Variants in PNPLA5 observed in about 807,000 individuals in gnomAD.
PNPLA5 encodes patatin-like phospholipase domain-containing protein 5.
A neutral mutation model predicts 49.1 loss-of-function variants in PNPLA5; 44 were observed. The observed-to-expected ratio is 0.90, with a 90% CI of 0.70 to 1.15. The LOEUF is 1.15. PNPLA5 is among the 50% of genes most tolerant of loss of function. The pLI, the probability that PNPLA5 is intolerant of heterozygous loss-of-function variation, is 0.00. For missense variants in PNPLA5, 603 were observed against 564.0 expected (o/e 1.07, Z -0.70); for synonymous variants, 243 against 244.4 (o/e 0.99, Z 0.06).
intron 5 of PNPLA5, 147 bp downstream of exon 5, chr22:43,887,444 A>G: frequency 2.1e-6 from 2 of 930,824 alleles, no homozygotes; most frequent in Non-Finnish European, 3.3e-6. Context: ...CTGAGTCCCC[A>G]GTACTCAGCT....
At position 43,891,516 on chromosome 22, in the gene PNPLA5, C is replaced by T. The variant is rs912267480; in HGVS notation, c.193+172G>A. The T allele has an allele frequency of 4.6e-6, 4 of 865,270 alleles. No homozygotes were observed. In the African/African-American group the frequency reaches 7.3e-5, roughly 16 times the overall value. The allele number at this position is 865,270 out of a possible 1,614,324, so 53.6% of individuals were successfully genotyped here. Reference sequence around the variant, plus strand: ...CTGGCTCTGAGCCACGATCCCTCCTCTGCAAATGGGGGTCACCTAGTCCCC... The same window carrying T: ...CTGGCTCTGAGCCACGATCCCTCCTTTGCAAATGGGGGTCACCTAGTCCCC... On this transcript the variant is annotated intron_variant, in intron 1 of 8. Transcript: ENST00000216177.
At chr22:43,887,675 G>T in intron 4 of PNPLA5, 24 bp from the exon 5 acceptor site, 1 of 1,591,396 alleles carries the variant, frequency 6.3e-7, no homozygotes, top group East Asian at 2.3e-5. Context: ...GGGCAAGGGT[G>T]AGATGGGCAA....
Position 43,891,933 on chromosome 22 carries a change from C to A in PNPLA5, c.-53G>T. 6.8e-7 allele frequency: 1 copy of A among 1,470,042 alleles called. No homozygotes were observed. The allele number at this position is 1,470,042 out of a possible 1,614,324, so 91.1% of individuals were successfully genotyped here. A position where few individuals can be genotyped will look rare whatever the true frequency, so the allele number is the denominator to read the frequency against. ...GACGAGGAAGGGTCACTCCGTGACCCGGGATAGGGCCGGGATGCAGCCTTG... is the reference window on the plus strand; with the variant it reads ...GACGAGGAAGGGTCACTCCGTGACCAGGGATAGGGCCGGGATGCAGCCTTG... On this transcript the variant is annotated 5_prime_UTR_variant, in exon 1 of 9. Transcript: ENST00000216177.
chr22:43,883,398 T>A (rs1358226539), intron 7 of PNPLA5, among the ~76,000 whole-genome samples: 1 of 152,140 alleles, frequency 6.6e-6, no homozygotes, highest in Non-Finnish European at 1.5e-5. Context: ...CCCTGAGAGG[T>A]CCTCAGCAAC....
chr22:43,887,887 G>T (rs1265102330), intron 4 of PNPLA5: 1 of 529,266 alleles, frequency 1.9e-6, no homozygotes, highest in Non-Finnish European at 2.4e-6. Context: ...GTCCCTGCAG[G>T]ACCATTGCAT....
chr22:43,890,317 T>C (rs2049709967), intron 2 of PNPLA5, among the ~76,000 whole-genome samples: 1 of 152,210 alleles, frequency 6.6e-6, no homozygotes, highest in Non-Finnish European at 1.5e-5. Flanking sequence ...TTGGGACGTT[T>C]CCAAGGGTTC....
At position 43,888,462 on chromosome 22, in the gene PNPLA5, T is replaced by TTG. The variant is rs756993941; in HGVS notation, c.703-812_703-811insCA. 2.3e-5 allele frequency among the ~76,000 whole-genome samples: 3 copies of TTG among 131,338 alleles called. No homozygotes were observed. In the Admixed American group the frequency reaches 2.5e-4, roughly 11 times the overall value. 86.2% of individuals were successfully genotyped at this position (131,338 alleles called of 152,430 possible). A position where few individuals can be genotyped will look rare whatever the true frequency, so the allele number is the denominator to read the frequency against. ...TTTTTTTTTTTTTTTTGAGATGGAGTCTCACTCTGTCACCCAGGCTAGAGT... is the reference window on the plus strand; with the variant it reads ...TTTTTTTTTTTTTTTTGAGATGGAGTTGCTCACTCTGTCACCCAGGCTAGAGT... On this transcript the variant is annotated intron_variant, in intron 4 of 8. Transcript: ENST00000216177.
Position 43,889,567 on chromosome 22 carries a change from T to A in PNPLA5, c.493-29A>T, listed in dbSNP as rs746604238. ...CAATTTGTGGGGAGCAGGTGGGTGG[T>A]GCTGCCCTCTCAGAGGGCCTCCCAC... On this transcript the variant is annotated intron_variant, in intron 3 of 8. Transcript: ENST00000216177. 2.5e-6 allele frequency: 4 copies of A among 1,573,752 alleles called. No individual in the cohort carries two copies. The South Asian group carries it at 4.7e-5, about 19-fold the overall frequency.
intron 6 of PNPLA5, among the ~76,000 whole-genome samples, chr22:43,884,764 A>T (rs1298780795): frequency 1.3e-5 from 2 of 152,262 alleles, no homozygotes; most frequent in East Asian, 3.9e-4. Flanking sequence ...TAATAACCAC[A>T]GCCACAACTA....
At chr22:43,881,219 G>A (rs1474354144) in intron 8 of PNPLA5, among the ~76,000 whole-genome samples, 3 of 152,324 alleles carry the variant, frequency 2.0e-5, no homozygotes, top group South Asian at 2.1e-4. Context: ...GGCCAGCCTC[G>A]TCCAAGGTCA....
Position 43,891,682 on chromosome 22 carries a change from A to G in PNPLA5, c.193+6T>C, listed in dbSNP as rs1300420869. ...CCCCTTTTCGCCCCCGCGGTCCGGGACTCACCGACCGACTTGCCGCAGACG... is the reference window on the plus strand; with the variant it reads ...CCCCTTTTCGCCCCCGCGGTCCGGGGCTCACCGACCGACTTGCCGCAGACG... On this transcript the variant is annotated splice_donor_region_variant and intron_variant, in intron 1 of 8. Transcript: ENST00000216177. 5 of 1,544,294 alleles carry G rather than the reference A, an allele frequency of 3.2e-6. No homozygotes were observed. The Admixed American group carries it at 6.1e-5, about 19-fold the overall frequency.
chr22:43,886,503 G>C lies in PNPLA5; in HGVS notation c.764-15C>G, dbSNP rs1165985689. On this transcript the variant is annotated splice_polypyrimidine_tract_variant and intron_variant, in intron 5 of 8. Transcript: ENST00000216177. ...CTTGGTGAGTCCTGGGTCAGGGGAA[G>C]GGAGAGGATAAGTCAAGCATCTGAG... The C allele has an allele frequency of 6.2e-7, 1 of 1,603,310 alleles. No individual in the cohort carries two copies. Among genetic ancestry groups the C allele is most frequent in the Non-Finnish European group, 8.5e-7 (1 of 1,175,178 alleles).
intron 4 of PNPLA5, 60 bp from the exon 5 acceptor site, chr22:43,887,711 T>A (rs1569507331): frequency 6.4e-7 from 1 of 1,559,874 alleles, no homozygotes; most frequent in Non-Finnish European, 8.7e-7. Context: ...CTCGAGTGGA[T>A]GTCACAGGCC....
At position 43,884,244 on chromosome 22, in the gene PNPLA5, G is replaced by A; in HGVS notation, c.1051C>T (p.Pro351Ser). 6.3e-7 allele frequency: 1 copy of A among 1,583,474 alleles called. No homozygotes were observed. Among genetic ancestry groups the A allele is most frequent in the Non-Finnish European group, 8.6e-7 (1 of 1,164,498 alleles). The change falls in exon 7 of 9, where the codon CCC becomes TCC. Residue 351 changes from proline (P) to serine (S), a missense_variant. By Grantham distance (74) the Pro-to-Ser change is moderately conservative (BLOSUM62 -1). Coordinates refer to ENST00000216177, the MANE Select transcript of PNPLA5 (RefSeq NM_138814.4). Reference protein sequence around the residue: ...LTYLLLPCTLPFEYIYFRSRR... With the variant: ...LTYLLLPCTLSFEYIYFRSRR... Reference sequence around the variant, plus strand: ...CTGCGGAAGTAGATGTACTCGAAGGGCAGTGTGCAGGGTAGCAGCAGGTAC... The same window carrying A: ...CTGCGGAAGTAGATGTACTCGAAGGACAGTGTGCAGGGTAGCAGCAGGTAC...
chr22:43,891,897 G>T lies in PNPLA5; in HGVS notation c.-17C>A. On this transcript the variant is annotated 5_prime_UTR_variant, in exon 1 of 9. Transcript: ENST00000216177. ...GAAGCCCATGGCGGGTGGACCGGGC[G>T]GGGTGATCGGGACGAGGAAGGGTCA... The T allele has an allele frequency of 1.3e-6, 2 of 1,506,342 alleles. No homozygotes were observed. The highest frequency in any genetic ancestry group is 1.8e-6 in the Non-Finnish European group (2 of 1,134,764). The allele number at this position is 1,506,342 out of a possible 1,614,324, so 93.3% of individuals were successfully genotyped here. A position where few individuals can be genotyped will look rare whatever the true frequency, so the allele number is the denominator to read the frequency against.
In PNPLA5 at chr22:43,889,544, A is replaced by G. The variant is rs1484390681; in HGVS notation, c.493-6T>C. The stretch of plus-strand genomic sequence containing the variant: ...AGAGCCCCATCGATGTAGCGCTGCA[A>G]TTTGTGGGGAGCAGGTGGGTGGTGC... On this transcript the variant is annotated splice_region_variant and splice_polypyrimidine_tract_variant and intron_variant, in intron 3 of 8. Coordinates refer to ENST00000216177, the MANE Select transcript of PNPLA5 (RefSeq NM_138814.4). The G allele has an allele frequency of 6.3e-7, 1 of 1,597,710 alleles. No individual in the cohort carries two copies. The highest frequency in any genetic ancestry group is 1.3e-5 in the African/African-American group (1 of 74,670).
Position 43,886,482 on chromosome 22 carries a change from G to C in PNPLA5, c.770C>G (p.Thr257Ser). 1 of 1,612,562 alleles carries C rather than the reference G, an allele frequency of 6.2e-7. No individual in the cohort carries two copies. Among genetic ancestry groups the C allele is most frequent in the Non-Finnish European group, 8.5e-7 (1 of 1,179,386 alleles). ...ALRFLERRGL[T>S]KEPVLWTLVS... ...CAGCGTCCATAGCACTGGTTCCTTGGTGAGTCCTGGGTCAGGGGAAGGGAG... is the reference window on the plus strand; with the variant it reads ...CAGCGTCCATAGCACTGGTTCCTTGCTGAGTCCTGGGTCAGGGGAAGGGAG... The change falls in exon 6 of 9, where the codon ACC becomes AGC. Residue 257 changes from threonine (T) to serine (S), a missense_variant. Coordinates refer to ENST00000216177, the MANE Select transcript of PNPLA5 (RefSeq NM_138814.4).
At chr22:43,884,135 G>GGC in intron 7 of PNPLA5, 78 bp downstream of exon 7, 1 of 1,131,716 alleles carries the variant, frequency 8.8e-7, no homozygotes. Flanking sequence ...CACCCAGTGT[G>GGC]CCAGCCGCCC....
At chr22:43,887,817 T>G in intron 4 of PNPLA5, 166 bp from the exon 5 acceptor site, 1 of 968,428 alleles carries the variant, frequency 1.0e-6, no homozygotes, top group Non-Finnish European at 1.2e-6. Flanking sequence ...GGCAGGACCT[T>G]AGCACTGGGC....
Sources: gnomAD v4.1 joint callset for allele counts (sites outside exome capture counted in the v4.1 genomes callset) on GRCh38, gnomAD v4.1.1 for gene constraint, MANE v1.5 for transcripts, NCBI Gene and HGNC (gene_info 2026-07-23, HGNC 2026-07-21) for gene names.